Variants in PTK2 observed in about 807,000 individuals in gnomAD.
The protein encoded by PTK2 is focal adhesion kinase 1.
In PTK2, 45 loss-of-function variants were observed where a neutral mutation model predicts 150.1. The ratio of observed to expected loss-of-function variants is 0.30; its 90% CI spans 0.24 to 0.38. The LOEUF (loss-of-function observed/expected upper bound fraction) is 0.38. PTK2 is among the 10% of genes least tolerant of loss of function. The probability of loss-of-function intolerance (pLI) is 1.00; values close to 1 mark genes in which losing one functional copy is unlikely to be tolerated. For synonymous variants in PTK2, 432 were observed against 449.2 expected, an observed-to-expected ratio of 0.96 and a Z score of 0.48; for missense variants, 919 against 1,307.3, an observed-to-expected ratio of 0.70 and a Z score of 4.58.
intron 5 of PTK2, among the ~76,000 whole-genome samples, chr8:140,857,056 T>G (rs2100133089): frequency 6.6e-6 from 1 of 152,142 alleles, no homozygotes. Flanking sequence ...AAAATAAAAT[T>G]TTGAGGCACA....
intron 1 of PTK2, among the ~76,000 whole-genome samples, chr8:140,978,181 T>C (rs1275935701): frequency 6.6e-6 from 1 of 152,188 alleles, no homozygotes; most frequent in Non-Finnish European, 1.5e-5. Flanking sequence ...GGCAATACCA[T>C]TCAGGACATA....
chr8:140,821,425 T>C (rs2100108501), intron 8 of PTK2: 1 of 152,136 alleles, frequency 6.6e-6, no homozygotes. Context: ...GCAAGACAAC[T>C]GGAAAGTAAA....
chr8:140,700,832 A>T (rs2100029815), intron 26 of PTK2, 59 bp downstream of exon 29: 1 of 1,580,864 alleles, frequency 6.3e-7, no homozygotes, highest in African/African-American at 1.4e-5. Flanking sequence ...ATAATTTGCA[A>T]TATAGTAGAC....
At chr8:140,775,070 T>C (rs1193805697) in intron 14 of PTK2, among the ~76,000 whole-genome samples, 2 of 152,242 alleles carry the variant, frequency 1.3e-5, no homozygotes, top group Non-Finnish European at 2.9e-5. Context: ...CATTTTACCC[T>C]ATGGATTTGC....
chr8:140,895,791 T>C (rs919658404), intron 2 of PTK2, among the ~76,000 whole-genome samples: 1 of 152,182 alleles, frequency 6.6e-6, no homozygotes, highest in Non-Finnish European at 1.5e-5. Context: ...GATGTGATTA[T>C]TATGCACTGT....
At chr8:140,746,972 C>G in intron 17 of PTK2, 112 bp from the exon 21 acceptor site, 3 of 672,076 alleles carry the variant, frequency 4.5e-6, no homozygotes, top group Non-Finnish European at 7.3e-6. Context: ...CTCATTGCAA[C>G]CTCCACCTCC....
chr8:140,726,943 A>C (rs1036469383), intron 22 of PTK2, among the ~76,000 whole-genome samples: 6 of 152,232 alleles, frequency 3.9e-5, no homozygotes, highest in East Asian at 1.9e-4. Flanking sequence ...TAATGGACCA[A>C]GGTGGTGGTG....
rs1409873242 is a variant in PTK2 at position 140,796,574 on chromosome 8, C to T, written c.1094-3190G>A. 2.6e-5 allele frequency among the ~76,000 whole-genome samples: 4 copies of T among 152,218 alleles called. No homozygotes were observed. The East Asian group carries it at 5.8e-4, about 22-fold the overall frequency. On this transcript the variant is annotated intron_variant, in intron 12 of 31. Transcript: ENST00000522684. ...ATATTTTTGCCTAACAGGAGACTTTCTAAGTAGCTGGGCATGGGTAGAAAG... is the reference window on the plus strand; with the variant it reads ...ATATTTTTGCCTAACAGGAGACTTTTTAAGTAGCTGGGCATGGGTAGAAAG...
At position 140,962,261 on chromosome 8, in the gene PTK2, G is replaced by A. The variant is rs569999903; in HGVS notation, c.-121-36512C>T. Among the ~76,000 whole-genome samples the A allele has an allele frequency of 4.0e-4, 43 of 107,854 alleles. No individual in the cohort carries two copies. The East Asian group carries it at 0.012, about 30-fold the overall frequency. 70.8% of individuals were successfully genotyped at this position (107,854 alleles called of 152,430 possible). On this transcript the variant is annotated intron_variant, in intron 1 of 31. Transcript: ENST00000522684. The stretch of plus-strand genomic sequence containing the variant: ...GAAGGAAGAAAGGAAGGGAGGAAGG[G>A]AAGAAGGGAGGGAGGAAGGGAGGGA...
Position 140,862,202 on chromosome 8 carries a change from G to GT in PTK2, c.450+2109dup. Among the ~76,000 whole-genome samples the GT allele has an allele frequency of 1.3e-5, 2 of 151,954 alleles. 1 individual carries two copies. The highest frequency in any genetic ancestry group is 4.2e-4 in the South Asian group (2 of 4,798). On this transcript the variant is annotated intron_variant, in intron 5 of 31. Transcript: ENST00000522684. ...TGTATTATGCATTCTGGAAATCAAT[G>GT]TTACTAAAGTACCCATGTATTTCCT... is the stretch of plus-strand genomic sequence containing the variant.
intron 1 of PTK2, among the ~76,000 whole-genome samples, chr8:140,976,034 T>A (rs2100189152): frequency 1.3e-5 from 2 of 152,164 alleles, no homozygotes; most frequent in Non-Finnish European, 2.9e-5. Context: ...CACCTTACAT[T>A]TGTATACCAC....
chr8:140,671,636 G>A (rs190764323), intron 29 of PTK2, among the ~76,000 whole-genome samples: 46 of 151,960 alleles, frequency 3.0e-4, no homozygotes, highest in Admixed American at 1.2e-3. Context: ...TACTTAGGTC[G>A]GGTGCGGTGG....
intron 23 of PTK2, among the ~76,000 whole-genome samples, chr8:140,712,847 C>T (rs948210574): frequency 1.3e-5 from 2 of 152,172 alleles, no homozygotes; most frequent in Non-Finnish European, 2.9e-5. Flanking sequence ...GAATTTTATA[C>T]CGGTAACAAA....
At chr8:140,892,999 A>T (rs1239504578) in intron 2 of PTK2, among the ~76,000 whole-genome samples, 1 of 152,222 alleles carries the variant, frequency 6.6e-6, no homozygotes, top group African/African-American at 2.4e-5. Context: ...TTCTAGGTAG[A>T]CATATGCCCA....
intron 1 of PTK2, among the ~76,000 whole-genome samples, chr8:140,975,739 A>T (rs2100189061): frequency 6.6e-6 from 1 of 152,228 alleles, no homozygotes; most frequent in East Asian, 1.9e-4. Context: ...GAGGTTGGGC[A>T]TCACAAGGGA....
chr8:140,965,242 T>C (rs1231811011), intron 1 of PTK2, among the ~76,000 whole-genome samples: 1 of 152,188 alleles, frequency 6.6e-6, no homozygotes, highest in Non-Finnish European at 1.5e-5. Flanking sequence ...AAAACTAAAC[T>C]ATTGTCAGTT....
intron 5 of PTK2, among the ~76,000 whole-genome samples, chr8:140,859,131 G>C (rs561312397): frequency 6.6e-6 from 1 of 152,280 alleles, no homozygotes; most frequent in Non-Finnish European, 1.5e-5. Context: ...GAATAGAGAA[G>C]TCTATGGGAG....
intron 28 of PTK2, among the ~76,000 whole-genome samples, chr8:140,674,662 C>A (rs1339447947): frequency 2.0e-5 from 3 of 151,792 alleles, no homozygotes; most frequent in Non-Finnish European, 4.4e-5. Flanking sequence ...TCGCTTGAAC[C>A]CAGGAGGTGG....
chr8:140,719,389 A>G (rs572442595), intron 22 of PTK2, among the ~76,000 whole-genome samples: 20 of 152,180 alleles, frequency 1.3e-4, no homozygotes, highest in African/African-American at 4.8e-4. Context: ...CACTGTTGGG[A>G]ACCTGGTCCC....
Sources: allele counts gnomAD v4.1 joint callset (sites outside exome capture counted in the v4.1 genomes callset), GRCh38; gene constraint gnomAD v4.1.1; transcripts MANE v1.5; gene names NCBI Gene and HGNC (gene_info 2026-07-23, HGNC 2026-07-21).